Variants in PARD3 observed in about 807,000 individuals in gnomAD.
PARD3 encodes the protein par-3 family cell polarity regulator, also known as partitioning defective 3 homolog.
Under a neutral mutation model 155.4 loss-of-function variants are expected in PARD3, and 75 were observed. The observed-to-expected ratio is 0.48, with a 90% confidence interval of 0.40 to 0.58. PARD3 has a LOEUF of 0.58. Ranked by LOEUF, PARD3 falls within the 20% of genes least tolerant of loss-of-function variation. PARD3 has a pLI of 0.00. For missense variants in PARD3, 1,642 were observed against 1,721.7 expected (o/e 0.95, Z 0.82); for synonymous variants, 576 against 610.5 (o/e 0.94, Z 0.83).
chr10:34,683,318 G>A (rs79579869), intron 2 of PARD3, among the ~76,000 whole-genome samples: 2,022 of 151,992 alleles, frequency 0.013, 55 homozygotes, highest in African/African-American at 0.046. Flanking sequence ...TGAGTTCACC[G>A]AGGCTCAAAT....
intron 2 of PARD3, among the ~76,000 whole-genome samples, chr10:34,532,918 T>G (rs775729387): frequency 2.0e-5 from 3 of 152,136 alleles, no homozygotes; most frequent in South Asian, 2.1e-4. Context: ...CATCATAGAG[T>G]ATATTACATA....
chr10:34,350,593 A>G (rs557524597), intron 14 of PARD3, among the ~76,000 whole-genome samples: 136 of 127,684 alleles, frequency 1.1e-3, no homozygotes, highest in African/African-American at 3.7e-3. Flanking sequence ...AGATCACGCC[A>G]CTGCACTCCA....
chr10:34,729,790 T>C (rs1355347073), intron 1 of PARD3, among the ~76,000 whole-genome samples: 1 of 152,152 alleles, frequency 6.6e-6, no homozygotes, highest in Non-Finnish European at 1.5e-5. Context: ...GCCGGAAAAG[T>C]AATCTGACCA....
At chr10:34,714,253 A>T (rs2094487035) in intron 1 of PARD3, among the ~76,000 whole-genome samples, 1 of 152,240 alleles carries the variant, frequency 6.6e-6, no homozygotes, top group African/African-American at 2.4e-5. Context: ...ACTTCAACAT[A>T]AAGATTAATT....
rs760167741 is a variant in PARD3 at position 34,331,098 on chromosome 10, T to C, written c.2833+19A>G. Reference sequence around the variant, plus strand: ...GAGTCTAATTTTAATTATTATTCTTTCAGCCATTATAAACTTACAGGTCTC... The same window carrying C: ...GAGTCTAATTTTAATTATTATTCTTCCAGCCATTATAAACTTACAGGTCTC... On this transcript the variant is annotated intron_variant, in intron 19 of 24. Transcript: ENST00000374788. 3.2e-6 allele frequency: 5 copies of C among 1,573,448 alleles called. No homozygotes were observed. Among genetic ancestry groups the C allele is most frequent in the Non-Finnish European group, 4.4e-6 (5 of 1,143,182 alleles).
chr10:34,699,047 C>T (rs1408027716), intron 1 of PARD3, among the ~76,000 whole-genome samples: 1 of 152,060 alleles, frequency 6.6e-6, no homozygotes, highest in African/African-American at 2.4e-5. Context: ...AATATGTTAC[C>T]CTCTCTTTGA....
intron 1 of PARD3, among the ~76,000 whole-genome samples, chr10:34,755,608 A>T (rs1162680455): frequency 3.3e-5 from 5 of 152,038 alleles, no homozygotes; most frequent in African/African-American, 4.8e-5. Context: ...CTGCCCTCTG[A>T]TGTTGGCATC....
At chr10:34,751,846 G>A (rs1249402148) in intron 1 of PARD3, among the ~76,000 whole-genome samples, 1 of 149,984 alleles carries the variant, frequency 6.7e-6, no homozygotes, top group Non-Finnish European at 1.5e-5. Context: ...GGCCTCAAGT[G>A]ATCCTCCAGC....
At chr10:34,656,667 AAT>A (rs1218060723) in intron 2 of PARD3, among the ~76,000 whole-genome samples, 1 of 152,230 alleles carries the variant, frequency 6.6e-6, no homozygotes, top group Non-Finnish European at 1.5e-5. Context: ...AACATCTGGT[AAT>A]GGTGACCTAC....
At chr10:34,713,905 AT>A (rs2094481959) in intron 1 of PARD3, among the ~76,000 whole-genome samples, 1 of 152,176 alleles carries the variant, frequency 6.6e-6, no homozygotes, top group East Asian at 1.9e-4. Context: ...ATTGGGTGGT[AT>A]TTTAAAAACT....
intron 1 of PARD3, among the ~76,000 whole-genome samples, chr10:34,775,228 A>T (rs906326277): frequency 4.6e-5 from 7 of 152,192 alleles, no homozygotes; most frequent in African/African-American, 1.7e-4. Context: ...CACCAAAAGG[A>T]ACAAATCAGT....
intron 3 of PARD3, among the ~76,000 whole-genome samples, chr10:34,504,545 A>G (rs1445873895): frequency 6.6e-6 from 1 of 152,250 alleles, no homozygotes; most frequent in Non-Finnish European, 1.5e-5. Context: ...AACACAAAAT[A>G]ACACCATGAA....
At chr10:34,193,820 C>T (rs1420855017) in intron 22 of PARD3, among the ~76,000 whole-genome samples, 1 of 152,134 alleles carries the variant, frequency 6.6e-6, no homozygotes, top group Non-Finnish European at 1.5e-5. Flanking sequence ...AGAGAAAATT[C>T]AGTTGGCTAT....
chr10:34,286,988 A>G (rs1051306826), intron 20 of PARD3, among the ~76,000 whole-genome samples: 3 of 152,110 alleles, frequency 2.0e-5, no homozygotes, highest in African/African-American at 7.2e-5. Flanking sequence ...TTAGCCAAGC[A>G]ACTGGAAGAA....
intron 5 of PARD3, among the ~76,000 whole-genome samples, chr10:34,409,914 T>A (rs1198590353): frequency 6.6e-6 from 1 of 152,146 alleles, no homozygotes; most frequent in Non-Finnish European, 1.5e-5. Flanking sequence ...AGCACAGTAA[T>A]AAAAAACACG....
chr10:34,269,591 C>T, intron 22 of PARD3, 66 bp downstream of exon 22: 2 of 1,565,844 alleles, frequency 1.3e-6, no homozygotes, highest in Non-Finnish European at 1.7e-6. Flanking sequence ...GAATGGTCTA[C>T]TCCCCTGTCA....
chr10:34,750,433 T>G (rs1833629599), intron 1 of PARD3, among the ~76,000 whole-genome samples: 1 of 148,114 alleles, frequency 6.8e-6, no homozygotes, highest in Non-Finnish European at 1.5e-5. Flanking sequence ...TGTAGTACCA[T>G]TACAGTTACA....
intron 1 of PARD3, among the ~76,000 whole-genome samples, chr10:34,783,432 G>C (rs902621946): frequency 6.6e-6 from 1 of 151,424 alleles, no homozygotes; most frequent in African/African-American, 2.4e-5. Context: ...GTGAAACCCC[G>C]TCTTCACTAA....
intron 1 of PARD3, among the ~76,000 whole-genome samples, chr10:34,806,810 G>A (rs980057103): frequency 6.6e-6 from 1 of 152,122 alleles, no homozygotes; most frequent in African/African-American, 2.4e-5. Context: ...CATCACTTAT[G>A]GTCCCATGAG....
Sources: gnomAD v4.1 joint callset for allele counts (sites outside exome capture counted in the v4.1 genomes callset) on GRCh38, gnomAD v4.1.1 for gene constraint, MANE v1.5 for transcripts, NCBI Gene and HGNC (gene_info 2026-07-23, HGNC 2026-07-21) for gene names.